Variants in SSPN observed in about 807,000 individuals in gnomAD.
The protein encoded by SSPN is K-ras oncogene-associated protein.
Under a neutral mutation model 19.1 loss-of-function variants are expected in SSPN, and 15 were observed. That is an observed-to-expected ratio of 0.78 (90% CI 0.52 to 1.21). The LOEUF is 1.21. Ranked by LOEUF, SSPN falls within the 50% of genes most tolerant of loss-of-function variation. SSPN has a pLI of 0.00. For missense variants in SSPN, 291 were observed against 314.0 expected, an observed-to-expected ratio of 0.93 and a Z score of 0.55; for synonymous variants, 147 against 140.3, an observed-to-expected ratio of 1.05 and a Z score of -0.34.
chr12:26,229,901 A>C (rs1205555865), intron 2 of SSPN, among the ~76,000 whole-genome samples: 2 of 152,202 alleles, frequency 1.3e-5, no homozygotes, highest in Non-Finnish European at 1.5e-5. Flanking sequence ...TTTAGGTGTA[A>C]GCTAAATCCC....
intron 1 of SSPN, among the ~76,000 whole-genome samples, chr12:26,126,801 T>C (rs886806543): frequency 2.0e-5 from 3 of 152,242 alleles, no homozygotes; most frequent in African/African-American, 7.2e-5. Flanking sequence ...AGAGGGCCTT[T>C]TAAGGTCTCT....
rs1454536646 is a variant in SSPN, at chr12:26,232,453, G to A, written c.*1377G>A. ...AATGGAAATTCATGAAACATAAATGGTATCAAGAACTTTATCAGTATGCTT... is the reference window on the plus strand; with the variant it reads ...AATGGAAATTCATGAAACATAAATGATATCAAGAACTTTATCAGTATGCTT... On this transcript the variant is annotated 3_prime_UTR_variant, in exon 3 of 3. Coordinates refer to ENST00000242729, the MANE Select transcript of SSPN (RefSeq NM_005086.5). 1.0e-6 allele frequency: 1 copy of A among 985,226 alleles called. No individual in the cohort carries two copies. The highest frequency in any genetic ancestry group is 1.7e-5 in the African/African-American group (1 of 57,212). The allele number at this position is 985,226 out of a possible 1,614,324, so 61.0% of individuals were successfully genotyped here. A position where few individuals can be genotyped will look rare whatever the true frequency, so the allele number is the denominator to read the frequency against.
chr12:26,182,877 C>T (rs1944728920), intron 1 of SSPN, among the ~76,000 whole-genome samples: 1 of 151,666 alleles, frequency 6.6e-6, no homozygotes, highest in Non-Finnish European at 1.5e-5. Flanking sequence ...ATTCTCCAGC[C>T]TCAGCCTCCC....
In SSPN at chr12:26,187,875, A is replaced by G. The variant is rs1944763372; in HGVS notation, c.-30-36418A>G. The stretch of plus-strand genomic sequence containing the variant: ...CAGTGAGTGTAAGAGAAGAACAGGG[A>G]GGATGATAGTTTTTGTGAAGGGTAT... On this transcript the variant is annotated intron_variant, in intron 1 of 2. Coordinates refer to the SSPN transcript ENST00000538142. 2.0e-5 allele frequency among the ~76,000 whole-genome samples: 3 copies of G among 152,192 alleles called. No individual in the cohort carries two copies. In the South Asian group the frequency reaches 6.2e-4, roughly 32 times the overall value.
chr12:26,147,648 G>A (rs1944500998), intron 1 of SSPN, among the ~76,000 whole-genome samples: 1 of 152,218 alleles, frequency 6.6e-6, no homozygotes, highest in South Asian at 2.1e-4. Flanking sequence ...AGAAATTTCT[G>A]TGTGAGCAGA....
At chr12:26,151,505 A>G (rs2137415884) in intron 1 of SSPN, among the ~76,000 whole-genome samples, 1 of 152,238 alleles carries the variant, frequency 6.6e-6, no homozygotes, top group South Asian at 2.1e-4. Flanking sequence ...ATTTTTTGCT[A>G]TTGCAATGAA....
At chr12:26,173,924 A>C (rs1354729145) in intron 1 of SSPN, among the ~76,000 whole-genome samples, 1 of 152,208 alleles carries the variant, frequency 6.6e-6, no homozygotes, top group African/African-American at 2.4e-5. Context: ...AAACTACTAG[A>C]CAAGGAAAAA....
At chr12:26,164,182 G>A (rs779487895) in intron 1 of SSPN, among the ~76,000 whole-genome samples, 4 of 152,282 alleles carry the variant, frequency 2.6e-5, no homozygotes, top group East Asian at 3.9e-4. Flanking sequence ...GATCATTCTC[G>A]AGAGCAGTGT....
At chr12:26,203,884 A>G (rs371100765) in intron 1 of SSPN, among the ~76,000 whole-genome samples, 2 of 152,086 alleles carry the variant, frequency 1.3e-5, no homozygotes, top group African/African-American at 4.8e-5. Context: ...GTCTTTTCTC[A>G]GTTCATGCAT....
chr12:26,181,819 G>T (rs771355095), intron 1 of SSPN, among the ~76,000 whole-genome samples: 36 of 152,308 alleles, frequency 2.4e-4, no homozygotes, highest in Non-Finnish European at 4.0e-4. Flanking sequence ...GGAGGTCAAA[G>T]ATTGCTTTTT....
At chr12:26,122,891 C>A (rs958397913) in intron 1 of SSPN, 1 of 1,551,256 alleles carries the variant, frequency 6.4e-7, no homozygotes, top group Non-Finnish European at 8.7e-7. Flanking sequence ...CCAGCTTCTG[C>A]CCCGCGCGCT....
intron 1 of SSPN, among the ~76,000 whole-genome samples, chr12:26,175,929 A>G (rs1217863770): frequency 6.6e-6 from 1 of 151,720 alleles, no homozygotes; most frequent in Admixed American, 6.6e-5. Flanking sequence ...CTCTGCCTCC[A>G]AGGTGCAAGC....
chr12:26,182,972 G>C (rs1858534999), intron 1 of SSPN, among the ~76,000 whole-genome samples: 1 of 151,868 alleles, frequency 6.6e-6, no homozygotes, highest in Non-Finnish European at 1.5e-5. Flanking sequence ...TACCTTGTTG[G>C]CCAGGCTAGT....
At chr12:26,122,598 C>T in intron 1 of SSPN, 1 of 1,120,746 alleles carries the variant, frequency 8.9e-7, no homozygotes, top group Non-Finnish European at 1.1e-6. Context: ...AGGGTCGGGC[C>T]CCAGAAGCGC....
In SSPN at chr12:26,122,253, G is replaced by A. The variant is rs574618039; in HGVS notation, c.-31+101G>A. The A allele has an allele frequency of 6.9e-5, 87 of 1,269,608 alleles. No individual in the cohort carries two copies. The East Asian group carries it at 2.2e-3, about 32-fold the overall frequency. The allele number at this position is 1,269,608 out of a possible 1,614,324, so 78.6% of individuals were successfully genotyped here. On this transcript the variant is annotated intron_variant, in intron 1 of 2. Transcript: ENST00000538142. ...GGCGGCGCCCGCCTTCTCGGGAGGG[G>A]GCGACAACACCGAGGACAGGCAGGG...
chr12:26,163,032 C>CGTGT (rs138827156), intron 1 of SSPN, among the ~76,000 whole-genome samples: 5,104 of 145,980 alleles, frequency 0.035, 110 homozygotes, highest in African/African-American at 0.067. Flanking sequence ...TGCTTCAAGA[C>CGTGT]GTGTGTGTGT....
At chr12:26,218,879 C>T (rs752913039) in intron 1 of SSPN, among the ~76,000 whole-genome samples, 2 of 152,144 alleles carry the variant, frequency 1.3e-5, no homozygotes, top group Non-Finnish European at 2.9e-5. Flanking sequence ...AAATAGATGA[C>T]AATCCATAGA....
intron 1 of SSPN, among the ~76,000 whole-genome samples, chr12:26,141,290 T>TA (rs1944459254): frequency 6.6e-6 from 1 of 151,828 alleles, no homozygotes; most frequent in African/African-American, 2.4e-5. Flanking sequence ...GGAAGGGAGG[T>TA]AAAATCCAAG....
At chr12:26,169,643 G>C (rs1944642777) in intron 1 of SSPN, among the ~76,000 whole-genome samples, 1 of 151,970 alleles carries the variant, frequency 6.6e-6, no homozygotes, top group Admixed American at 6.6e-5. Context: ...AGGACAGCCA[G>C]GCTATGGGGG....
Sources: gnomAD v4.1 joint callset for allele counts (sites outside exome capture counted in the v4.1 genomes callset) on GRCh38, gnomAD v4.1.1 for gene constraint, MANE v1.5 for transcripts, NCBI Gene and HGNC (gene_info 2026-07-23, HGNC 2026-07-21) for gene names.